The following KAZN variants were observed in gnomAD, a reference collection of about 807,000 sequenced individuals.
KAZN encodes kazrin.
A neutral mutation model predicts 87.4 loss-of-function variants in KAZN; 40 were observed. That is an observed-to-expected ratio of 0.46 (90% confidence interval 0.36 to 0.60). The LOEUF is 0.60. KAZN is among the 20% of genes least tolerant of loss of function. The pLI, the probability that KAZN is intolerant of heterozygous loss-of-function variation, is 0.00. For synonymous variants in KAZN, 466 were observed against 458.3 expected, an observed-to-expected ratio of 1.02 and a Z score of -0.22; for missense variants, 898 against 1,073.9, an observed-to-expected ratio of 0.84 and a Z score of 2.29.
At chr1:15,092,794 C>A (rs757096222) in intron 8 of KAZN, among the ~76,000 whole-genome samples, 5 of 152,156 alleles carry the variant, frequency 3.3e-5, no homozygotes, top group Non-Finnish European at 7.3e-5. Context: ...TTTTATCGAA[C>A]CCTCTTTTAG....
chr1:14,669,187 G>C (rs951738602), intron 1 of KAZN, among the ~76,000 whole-genome samples: 3 of 152,182 alleles, frequency 2.0e-5, no homozygotes, highest in Non-Finnish European at 2.9e-5. Flanking sequence ...GGGAAGCCCT[G>C]GCTCTCTTCT....
At chr1:14,212,169 C>T (rs948055472) in intron 2 of KAZN, among the ~76,000 whole-genome samples, 30 of 152,208 alleles carry the variant, frequency 2.0e-4, no homozygotes, top group African/African-American at 7.2e-4. Context: ...GCCAAAACAG[C>T]ACCAGTGCCT....
intron 1 of KAZN, among the ~76,000 whole-genome samples, chr1:13,982,543 C>G (rs955971867): frequency 6.6e-5 from 10 of 152,272 alleles, no homozygotes; most frequent in African/African-American, 2.4e-4. Context: ...GAAAGCGACC[C>G]GAGGTGGTTG....
At chr1:13,944,569 G>A (rs12133915) in intron 1 of KAZN, among the ~76,000 whole-genome samples, 21,332 of 152,112 alleles carry the variant, frequency 0.14, 1,592 homozygotes, top group Middle Eastern at 0.22. Context: ...ATTAAAATAC[G>A]TAACTGCAGT....
intron 1 of KAZN, among the ~76,000 whole-genome samples, chr1:14,161,678 C>T (rs550577719): frequency 6.6e-6 from 1 of 152,192 alleles, no homozygotes; most frequent in South Asian, 2.1e-4. Flanking sequence ...GGTGTGAATA[C>T]CAGGAGGTGA....
intron 2 of KAZN, among the ~76,000 whole-genome samples, chr1:15,008,557 G>C (rs966362547): frequency 1.3e-5 from 2 of 152,222 alleles, no homozygotes; most frequent in African/African-American, 4.8e-5. Context: ...TCTTCGCAGA[G>C]GTCATTTCAT....
chr1:14,794,510 C>T (rs766635619), intron 1 of KAZN, among the ~76,000 whole-genome samples: 3 of 152,170 alleles, frequency 2.0e-5, no homozygotes, highest in Non-Finnish European at 4.4e-5. Flanking sequence ...GTTGAACAAC[C>T]AGTTCTCACT....
In KAZN at chr1:14,125,735, C is replaced by T. The variant is rs564368866; in HGVS notation, c.92-54700C>T. 2.6e-5 allele frequency among the ~76,000 whole-genome samples: 4 copies of T among 152,184 alleles called. No individual in the cohort carries two copies. In the South Asian group the frequency reaches 8.3e-4, roughly 32 times the overall value. ...TTGGAGTGACTTCTTACAGCAGCCA[C>T]AGGAAATGAATGCAGTGGAAAAAAG... On this transcript the variant is annotated intron_variant, in intron 1 of 16. Coordinates refer to the KAZN transcript ENST00000636203.
chr1:14,941,612 T>C (rs1178449028), intron 1 of KAZN, among the ~76,000 whole-genome samples: 1 of 152,136 alleles, frequency 6.6e-6, no homozygotes, highest in Non-Finnish European at 1.5e-5. Context: ...CAGAATTAGC[T>C]TTCTGCAGGT....
intron 2 of KAZN, among the ~76,000 whole-genome samples, chr1:14,386,885 C>T (rs900091288): frequency 6.6e-6 from 1 of 152,186 alleles, no homozygotes; most frequent in Admixed American, 6.5e-5. Flanking sequence ...GGGAAGTTCC[C>T]CTGGATAATA....
At chr1:14,524,032 GTTTTTA>G (rs1671731449) in intron 2 of KAZN, among the ~76,000 whole-genome samples, 3 of 148,446 alleles carry the variant, frequency 2.0e-5, no homozygotes, top group African/African-American at 5.1e-5. Flanking sequence ...GTTTTGTTTT[GTTTTTA>G]TGAGACAGAG....
intron 1 of KAZN, among the ~76,000 whole-genome samples, chr1:14,123,498 G>A (rs1027094872): frequency 2.6e-5 from 4 of 152,204 alleles, no homozygotes; most frequent in Non-Finnish European, 4.4e-5. Context: ...CCTGGAGCAG[G>A]TGTGTAGTCA....
intron 2 of KAZN, among the ~76,000 whole-genome samples, chr1:14,527,641 G>T (rs2148474574): frequency 6.6e-6 from 1 of 152,084 alleles, no homozygotes; most frequent in Admixed American, 6.5e-5. Flanking sequence ...ATCTGCTCCT[G>T]GTGAGGGGCT....
At chr1:14,412,629 G>A (rs921259712) in intron 2 of KAZN, among the ~76,000 whole-genome samples, 1 of 152,044 alleles carries the variant, frequency 6.6e-6, no homozygotes, top group African/African-American at 2.4e-5. Context: ...AAAAAATCTA[G>A]AGAAAGGAAG....
chr1:14,323,961 T>C (rs770021747), intron 2 of KAZN, among the ~76,000 whole-genome samples: 10 of 152,222 alleles, frequency 6.6e-5, no homozygotes, highest in Non-Finnish European at 1.5e-4. Flanking sequence ...CATGAGGCTC[T>C]GTATTTCTTT....
chr1:14,715,631 G>T, intron 1 of KAZN, among the ~76,000 whole-genome samples: 1 of 152,162 alleles, frequency 6.6e-6, no homozygotes, highest in South Asian at 2.1e-4. Context: ...TTTCTCCGAG[G>T]ACCATATCAC....
intron 1 of KAZN, among the ~76,000 whole-genome samples, chr1:14,122,090 A>G (rs958561411): frequency 6.6e-5 from 10 of 152,212 alleles, no homozygotes; most frequent in African/African-American, 2.4e-4. Context: ...GCTGTGAAAG[A>G]GCCAGCTGTC....
At chr1:14,154,176 T>C (rs1042047823) in intron 1 of KAZN, among the ~76,000 whole-genome samples, 4 of 152,216 alleles carry the variant, frequency 2.6e-5, no homozygotes, top group African/African-American at 9.6e-5. Flanking sequence ...TTCAATTTCT[T>C]TCGTCAGTGT....
chr1:14,378,401 A>C (rs894055705), intron 2 of KAZN, among the ~76,000 whole-genome samples: 4 of 152,272 alleles, frequency 2.6e-5, no homozygotes, highest in African/African-American at 9.6e-5. Flanking sequence ...CTGCACGAAG[A>C]AACAACCTTC....
Sources: gnomAD v4.1 joint callset for allele counts (sites outside exome capture counted in the v4.1 genomes callset) on GRCh38, gnomAD v4.1.1 for gene constraint, MANE v1.5 for transcripts, NCBI Gene and HGNC (gene_info 2026-07-23, HGNC 2026-07-21) for gene names.